The following PLEKHG1 variants were observed in gnomAD, a reference collection of about 807,000 sequenced individuals.
The protein encoded by PLEKHG1 is pleckstrin homology and RhoGEF domain containing G1, also known as pleckstrin homology domain-containing family G member 1.
A neutral mutation model predicts 100.8 loss-of-function variants in PLEKHG1; 44 were observed. The observed-to-expected ratio is 0.44, with a 90% CI of 0.34 to 0.56. PLEKHG1 has a LOEUF of 0.56. Among genes scored for constraint, PLEKHG1 ranks in the 20% least tolerant of loss-of-function variants. The pLI is 0.01. For missense variants in PLEKHG1, 1,545 were observed against 1,720.9 expected, an observed-to-expected ratio of 0.90 and a Z score of 1.81; for synonymous variants, 640 against 662.5, an observed-to-expected ratio of 0.97 and a Z score of 0.52.
intron 1 of PLEKHG1, among the ~76,000 whole-genome samples, chr6:150,601,727 C>T (rs1776366724): frequency 6.6e-6 from 1 of 152,174 alleles, no homozygotes; most frequent in Non-Finnish European, 1.5e-5. Flanking sequence ...CGACCTTCCC[C>T]ATCCTTGTGT....
intron 1 of PLEKHG1, among the ~76,000 whole-genome samples, chr6:150,604,479 G>T (rs4870534): frequency 0.083 from 12,610 of 152,222 alleles, 558 homozygotes; most frequent in Non-Finnish European, 0.1. Context: ...ACCAATCTTT[G>T]CTCACAGGCC....
chr6:150,821,892 A>G (rs1776322110), intron 13 of PLEKHG1, among the ~76,000 whole-genome samples: 1 of 150,338 alleles, frequency 6.7e-6, no homozygotes, highest in Admixed American at 6.6e-5. Flanking sequence ...CCCAGGCTAG[A>G]GTGCAATAGC....
At chr6:150,726,218 A>G (rs549102173) in intron 1 of PLEKHG1, among the ~76,000 whole-genome samples, 86 of 152,324 alleles carry the variant, frequency 5.6e-4, no homozygotes, top group Non-Finnish European at 1.2e-3. Flanking sequence ...AGCTAACAAT[A>G]CTATATTGTA....
At chr6:150,704,246 T>C (rs1302327394) in intron 3 of PLEKHG1, among the ~76,000 whole-genome samples, 1 of 152,180 alleles carries the variant, frequency 6.6e-6, no homozygotes, top group Non-Finnish European at 1.5e-5. Context: ...GCTTCAGACA[T>C]AAACCTTCCT....
At chr6:150,800,140 T>C (rs536618149) in intron 5 of PLEKHG1, among the ~76,000 whole-genome samples, 1 of 152,204 alleles carries the variant, frequency 6.6e-6, no homozygotes, top group African/African-American at 2.4e-5. Flanking sequence ...GGGAGACCTC[T>C]TCAAAGATTC....
intron 1 of PLEKHG1, among the ~76,000 whole-genome samples, chr6:150,637,410 A>T (rs1388912): frequency 0.34 from 50,336 of 150,022 alleles, 9,016 homozygotes; most frequent in African/African-American, 0.48. Context: ...TTACTTTTTT[A>T]ATTTCATGTC....
chr6:150,750,822 C>G (rs1344150317), intron 2 of PLEKHG1, among the ~76,000 whole-genome samples: 2 of 151,198 alleles, frequency 1.3e-5, no homozygotes, highest in African/African-American at 4.9e-5. Context: ...AAATTACCTC[C>G]TGATCCCCAT....
chr6:150,669,202 T>A lies in PLEKHG1; in HGVS notation c.-99+18416T>A, dbSNP rs567279525. ...TCCTGACTTAGATCTAGCCCTCAAA[T>A]AGAGAGGGGAGAAAGCCTTGAAGAC... On this transcript the variant is annotated intron_variant, in intron 3 of 3. Transcript: ENST00000367326. Among the ~76,000 whole-genome samples the A allele has an allele frequency of 3.3e-5, 5 of 152,174 alleles. No individual in the cohort carries two copies. The South Asian group carries it at 1.0e-3, about 32-fold the overall frequency.
At chr6:150,644,332 G>GTGTTTTGTTT (rs1209169436) in intron 2 of PLEKHG1, among the ~76,000 whole-genome samples, 1 of 96,564 alleles carries the variant, frequency 1.0e-5, no homozygotes, top group African/African-American at 4.4e-5. Flanking sequence ...TTTTCTTTTC[G>GTGTTTTGTTT]TGTTTTTTTT....
intron 3 of PLEKHG1, among the ~76,000 whole-genome samples, chr6:150,708,935 C>T (rs1212675215): frequency 1.3e-5 from 2 of 152,150 alleles, no homozygotes; most frequent in Non-Finnish European, 2.9e-5. Flanking sequence ...AAAGCATGAC[C>T]TGGATGCTAG....
chr6:150,718,191 C>A (rs1781513144), upstream of PLEKHG1, among the ~76,000 whole-genome samples: 1 of 152,178 alleles, frequency 6.6e-6, no homozygotes, highest in Non-Finnish European at 1.5e-5. Context: ...AGGATACCAG[C>A]ATCTGTGCCT....
intron 1 of PLEKHG1, among the ~76,000 whole-genome samples, chr6:150,601,482 G>T (rs980485368): frequency 6.6e-6 from 1 of 151,900 alleles, no homozygotes; most frequent in Non-Finnish European, 1.5e-5. Context: ...CCTGTAATTT[G>T]GTCTACAATA....
At chr6:150,647,492 C>T (rs182127039) in intron 2 of PLEKHG1, among the ~76,000 whole-genome samples, 9 of 152,258 alleles carry the variant, frequency 5.9e-5, no homozygotes, top group East Asian at 1.9e-4. Flanking sequence ...GCTCAAATCA[C>T]GAGTTGTGTT....
intron 6 of PLEKHG1, among the ~76,000 whole-genome samples, chr6:150,804,204 C>T (rs59599487): frequency 0.14 from 4,213 of 29,322 alleles, 466 homozygotes; most frequent in African/African-American, 0.23. Flanking sequence ...TTTTTTTTTT[C>T]GAGGCAGAGT....
intron 2 of PLEKHG1, among the ~76,000 whole-genome samples, chr6:150,752,040 G>A (rs534811959): frequency 1.3e-5 from 2 of 152,158 alleles, no homozygotes; most frequent in African/African-American, 4.8e-5. Context: ...AATACAGAAA[G>A]CCGGGCATGG....
At chr6:150,812,875 A>T (rs1184941038) in intron 10 of PLEKHG1, among the ~76,000 whole-genome samples, 1 of 152,128 alleles carries the variant, frequency 6.6e-6, no homozygotes, top group African/African-American at 2.4e-5. Context: ...GGAGAAAAAG[A>T]TGAAAGACAG....
intron 2 of PLEKHG1, among the ~76,000 whole-genome samples, chr6:150,746,710 G>A (rs4869944): frequency 0.18 from 27,587 of 152,240 alleles, 2,642 homozygotes; most frequent in Admixed American, 0.24. Flanking sequence ...TGCTATGAAT[G>A]TGAAACTCTT....
At chr6:150,820,200 C>T (rs1316739301) in intron 12 of PLEKHG1, among the ~76,000 whole-genome samples, 2 of 151,520 alleles carry the variant, frequency 1.3e-5, no homozygotes, top group East Asian at 3.9e-4. Flanking sequence ...CAGAGTGAGA[C>T]TCTGTCTAAA....
chr6:150,827,763 G>T, intron 14 of PLEKHG1: 2 of 1,416,168 alleles, frequency 1.4e-6, no homozygotes, highest in Non-Finnish European at 2.0e-6. Context: ...AGAGGAGGCA[G>T]AAGAGGAGCA....
Sources: allele counts gnomAD v4.1 joint callset (sites outside exome capture counted in the v4.1 genomes callset), GRCh38; gene constraint gnomAD v4.1.1; transcripts MANE v1.5; gene names NCBI Gene and HGNC (gene_info 2026-07-23, HGNC 2026-07-21).